The following RBM27 variants were observed in gnomAD, a reference collection of about 807,000 sequenced individuals.
RBM27 encodes the protein RNA-binding protein 27.
Under a neutral mutation model 135.3 loss-of-function variants are expected in RBM27, and 22 were observed. That is an observed-to-expected ratio of 0.16 (90% CI 0.12 to 0.23). The LOEUF (loss-of-function observed/expected upper bound fraction) is 0.23. Among genes scored for constraint, RBM27 ranks in the 10% least tolerant of loss-of-function variants. The pLI, the probability that RBM27 is intolerant of heterozygous loss-of-function variation, is 1.00. For missense variants in RBM27, 1,009 were observed against 1,281.0 expected (o/e 0.79, Z 3.24); for synonymous variants, 481 against 442.4 (o/e 1.09, Z -1.10).
chr5:146,216,050 C>T (rs1756178472), intron 1 of RBM27, among the ~76,000 whole-genome samples: 1 of 152,060 alleles, frequency 6.6e-6, no homozygotes, highest in Non-Finnish European at 1.5e-5. Context: ...GCCCAGCTGG[C>T]ATGTGTAATT....
chr5:146,210,819 C>T (rs563012281), intron 1 of RBM27, among the ~76,000 whole-genome samples: 33 of 151,854 alleles, frequency 2.2e-4, no homozygotes, highest in Non-Finnish European at 3.5e-4. Context: ...TGGTGGCGGG[C>T]GCCTGTAGTC....
chr5:146,223,342 T>C (rs543963699), intron 2 of RBM27, 61 bp from the exon 3 acceptor site: 1 of 1,470,080 alleles, frequency 6.8e-7, no homozygotes, highest in Non-Finnish European at 9.2e-7. Context: ...TTGCTGACAA[T>C]GTGTTGTCAA....
chr5:146,274,157 G>A (rs1758987774), intron 19 of RBM27, among the ~76,000 whole-genome samples: 1 of 148,072 alleles, frequency 6.8e-6, no homozygotes, highest in African/African-American at 2.5e-5. Flanking sequence ...GCTAATTTTT[G>A]TATTTTTAGT....
At chr5:146,242,834 G>A (rs1237653396) in intron 8 of RBM27, among the ~76,000 whole-genome samples, 3 of 152,004 alleles carry the variant, frequency 2.0e-5, no homozygotes, top group Non-Finnish European at 4.4e-5. Flanking sequence ...CCGACCTCAG[G>A]TGATCCTTCC....
At chr5:146,219,354 G>A (rs560081313) in intron 2 of RBM27, among the ~76,000 whole-genome samples, 2 of 152,198 alleles carry the variant, frequency 1.3e-5, no homozygotes, top group Admixed American at 6.5e-5. Context: ...TAGGTCTTTT[G>A]CAGCTTTTGA....
intron 19 of RBM27, among the ~76,000 whole-genome samples, chr5:146,279,697 A>G (rs1025143888): frequency 6.7e-6 from 1 of 150,336 alleles, no homozygotes; most frequent in Non-Finnish European, 1.5e-5. Context: ...AGTCGCAGCT[A>G]CTCGGGAGCC....
At chr5:146,211,054 C>T (rs1482342138) in intron 1 of RBM27, among the ~76,000 whole-genome samples, 1 of 152,082 alleles carries the variant, frequency 6.6e-6, no homozygotes, top group Non-Finnish European at 1.5e-5. Flanking sequence ...GGGTGGAGCA[C>T]TTGAGTCCAG....
At chr5:146,280,903 G>T (rs1310380486) in intron 19 of RBM27, among the ~76,000 whole-genome samples, 1 of 151,908 alleles carries the variant, frequency 6.6e-6, no homozygotes, top group South Asian at 2.1e-4. Context: ...TGTCACTCAG[G>T]CTGGAGTGCA....
At chr5:146,235,345 C>T (rs1300448085) in intron 7 of RBM27, among the ~76,000 whole-genome samples, 1 of 151,986 alleles carries the variant, frequency 6.6e-6, no homozygotes, top group East Asian at 1.9e-4. Flanking sequence ...CACTTGAGCT[C>T]ATGAGTTTGA....
chr5:146,255,170 C>A, intron 10 of RBM27, 78 bp downstream of exon 10: 1 of 1,332,202 alleles, frequency 7.5e-7, no homozygotes, highest in Non-Finnish European at 1.0e-6. Flanking sequence ...GCATTTCTGG[C>A]CTAGCTTGAG....
intron 3 of RBM27, among the ~76,000 whole-genome samples, chr5:146,227,932 T>C (rs1469494722): frequency 1.3e-5 from 2 of 152,186 alleles, no homozygotes; most frequent in Non-Finnish European, 2.9e-5. Flanking sequence ...AAACGTTTCC[T>C]ATGGAATAAA....
intron 8 of RBM27, among the ~76,000 whole-genome samples, chr5:146,243,500 A>G (rs1757497175): frequency 6.6e-6 from 1 of 152,198 alleles, no homozygotes; most frequent in Non-Finnish European, 1.5e-5. Context: ...TGTGATGTTC[A>G]GCCAGTAACT....
Position 146,286,121 on chromosome 5 carries a change from AT to A in RBM27, c.*98del. ...AAAAGAAGTCAATGAGCCAAAAAAAATTTTTTTATTTTTCTTTTCAACACAG... is the reference window on the plus strand; with the variant it reads ...AAAAGAAGTCAATGAGCCAAAAAAAATTTTTTATTTTTCTTTTCAACACAG... On this transcript the variant is annotated 3_prime_UTR_variant, in exon 21 of 21. Transcript: ENST00000265271. 2.6e-6 allele frequency: 3 copies of A among 1,137,924 alleles called. No individual in the cohort carries two copies. Among genetic ancestry groups the A allele is most frequent in the Non-Finnish European group, 1.2e-6 (1 of 803,948 alleles). 70.5% of individuals were successfully genotyped at this position (1,137,924 alleles called of 1,614,324 possible). A position where few individuals can be genotyped will look rare whatever the true frequency, so the allele number is the denominator to read the frequency against.
intron 14 of RBM27, among the ~76,000 whole-genome samples, chr5:146,264,654 T>TAA (rs35210934): frequency 7.2e-5 from 7 of 97,882 alleles, no homozygotes; most frequent in South Asian, 8.0e-4. Context: ...CAAAGAGAGC[T>TAA]AAAAAAAAAA....
At chr5:146,210,577 A>ATGGTCTCTTCACAGTG (rs1191748433) in intron 1 of RBM27, among the ~76,000 whole-genome samples, 1 of 152,064 alleles carries the variant, frequency 6.6e-6, no homozygotes, top group Non-Finnish European at 1.5e-5. Flanking sequence ...ATCTGTGAAG[A>ATGGTCTCTTCACAGTG]ATGGGCCCTC....
At chr5:146,217,205 G>A (rs1756234140) in intron 1 of RBM27, among the ~76,000 whole-genome samples, 1 of 151,242 alleles carries the variant, frequency 6.6e-6, no homozygotes, top group Non-Finnish European at 1.5e-5. Flanking sequence ...GACCTCAGGT[G>A]ATCCCCCCGC....
intron 3 of RBM27, among the ~76,000 whole-genome samples, chr5:146,228,677 T>A (rs1427121198): frequency 6.6e-6 from 1 of 152,130 alleles, no homozygotes; most frequent in Non-Finnish European, 1.5e-5. Flanking sequence ...CATGGCTTAA[T>A]GCAGCCTCAA....
rs920905651 is a variant in RBM27, at chr5:146,286,475, A to C, written c.*445A>C. On this transcript the variant is annotated 3_prime_UTR_variant, in exon 21 of 21. Coordinates refer to ENST00000265271, the MANE Select transcript of RBM27 (RefSeq NM_018989.2). The stretch of plus-strand genomic sequence containing the variant: ...AGTAGGAAATATTTGTAATTAAAAT[A>C]CCCTTTTGCTTTCAAGAGTGGTCTT... The C allele has an allele frequency of 6.6e-6, 1 of 151,604 alleles. No homozygotes were observed. The highest frequency in any genetic ancestry group is 2.4e-5 in the African/African-American group (1 of 41,204). The allele number at this position is 151,604 out of a possible 1,614,324, so 9.4% of individuals were successfully genotyped here. A position where few individuals can be genotyped will look rare whatever the true frequency, so the allele number is the denominator to read the frequency against.
rs1757811553 is a variant in RBM27, at chr5:146,249,969, A to G, written c.1280-1742A>G. Among the ~76,000 whole-genome samples the G allele has an allele frequency of 2.0e-5, 3 of 152,196 alleles. No homozygotes were observed. The South Asian group carries it at 6.2e-4, about 31-fold the overall frequency. On this transcript the variant is annotated intron_variant, in intron 8 of 20. Coordinates refer to ENST00000265271, the MANE Select transcript of RBM27 (RefSeq NM_018989.2). Reference sequence around the variant, plus strand: ...AAGGGTTAATGCTAAGTGCACAGTTATACAGTATGATTTGTTACTTCCTCT... The same window carrying G: ...AAGGGTTAATGCTAAGTGCACAGTTGTACAGTATGATTTGTTACTTCCTCT...
Sources: allele counts gnomAD v4.1 joint callset (sites outside exome capture counted in the v4.1 genomes callset), GRCh38; gene constraint gnomAD v4.1.1; transcripts MANE v1.5; gene names NCBI Gene and HGNC (gene_info 2026-07-23, HGNC 2026-07-21).